The following FAM186A variants were observed in gnomAD, a reference collection of about 807,000 sequenced individuals.
FAM186A encodes protein FAM186A.
Under a neutral mutation model 216.8 loss-of-function variants are expected in FAM186A, and 163 were observed. The ratio of observed to expected loss-of-function variants is 0.75; its 90% CI spans 0.66 to 0.86. The LOEUF is 0.86. Ranked by LOEUF, FAM186A falls within the 40% of genes least tolerant of loss-of-function variation. The probability of loss-of-function intolerance (pLI) is 0.00; values close to 1 mark genes in which losing one functional copy is unlikely to be tolerated. For synonymous variants in FAM186A, 805 were observed against 1,025.3 expected (o/e 0.79, Z 4.10); for missense variants, 2,184 against 2,746.2 (o/e 0.80, Z 4.58).
At chr12:50,360,992 T>C (rs1176098283) in intron 2 of FAM186A, 66 bp from the exon 3 acceptor site, 2 of 1,258,358 alleles carry the variant, frequency 1.6e-6, no homozygotes, top group Admixed American at 5.5e-5. Context: ...TACATAGGCT[T>C]ATAATATTGG....
chr12:50,364,058 CATA>C (rs1161988657), intron 1 of FAM186A, among the ~76,000 whole-genome samples: 2 of 152,086 alleles, frequency 1.3e-5, no homozygotes, highest in African/African-American at 4.8e-5. Flanking sequence ...TTTTGGTTGT[CATA>C]ATAATTGTGA....
chr12:50,346,149 G>A (rs1462678044), intron 4 of FAM186A, among the ~76,000 whole-genome samples: 6 of 142,912 alleles, frequency 4.2e-5, no homozygotes, highest in Admixed American at 7.4e-5. Context: ...CCAGCTGGGC[G>A]ACAAAGCCAG....
Position 50,327,333 on chromosome 12 carries a change from C to G in FAM186A, c.*50G>C. ...GAAAGAGAACAAAATAGGCATTTTA[C>G]TGAAAGATACTGAAATGTACTTTCA... On this transcript the variant is annotated 3_prime_UTR_variant, in exon 8 of 8. Coordinates refer to ENST00000327337, the MANE Select transcript of FAM186A (RefSeq NM_001145475.3). The G allele has an allele frequency of 6.9e-7, 1 of 1,454,166 alleles. No homozygotes were observed. Among genetic ancestry groups the G allele is most frequent in the Non-Finnish European group, 9.4e-7 (1 of 1,059,764 alleles). The allele number at this position is 1,454,166 out of a possible 1,614,324, so 90.1% of individuals were successfully genotyped here.
intron 3 of FAM186A, among the ~76,000 whole-genome samples, chr12:50,358,597 AAAAC>A (rs1177197110): frequency 2.0e-5 from 3 of 150,438 alleles, no homozygotes; most frequent in African/African-American, 4.9e-5. Flanking sequence ...AAAACAAAAC[AAAAC>A]AAAAACCTAT....
At chr12:50,356,853 G>A (rs1269944761) in intron 3 of FAM186A, among the ~76,000 whole-genome samples, 1 of 152,094 alleles carries the variant, frequency 6.6e-6, no homozygotes, top group Non-Finnish European at 1.5e-5. Flanking sequence ...ACAAAAATTA[G>A]CCAGGCGTGA....
chr12:50,365,088 T>A (rs1165278199), intron 1 of FAM186A, among the ~76,000 whole-genome samples: 1 of 150,710 alleles, frequency 6.6e-6, no homozygotes, highest in Non-Finnish European at 1.5e-5. Context: ...CCCAATTTAA[T>A]GATACACTGC....
In FAM186A at chr12:50,355,990, C is replaced by T. The variant is rs1389338511; in HGVS notation, c.842G>A (p.Cys281Tyr). The part of the protein sequence containing the change: ...ALSMLNDELK[C>Y]VNFQSSTVYA... ...CACAGTGGAACTTTGGAAGTTAACA[C>T]ATTTTAATTCATCATTTAGCATACT... The change falls in exon 4 of 8, where the codon TGT (cysteine) becomes TAT (tyrosine). Residue 281 changes from cysteine to tyrosine, a missense_variant. Physicochemically the swap from Cys to Tyr is radical, Grantham distance 194. Coordinates refer to ENST00000327337, the MANE Select transcript of FAM186A (RefSeq NM_001145475.3). 6.4e-6 allele frequency: 10 copies of T among 1,551,464 alleles called. 1 individual carries two copies. The highest frequency in any genetic ancestry group is 3.3e-4 in the Middle Eastern group (2 of 6,014).
intron 4 of FAM186A, among the ~76,000 whole-genome samples, chr12:50,346,237 A>AAAGAAAGAAAAGAAAGAAAG (rs1383898895): frequency 3.9e-5 from 4 of 102,184 alleles, no homozygotes; most frequent in Non-Finnish European, 8.0e-5. Context: ...AAGAAAGAAA[A>AAAGAAAGAAAAGAAAGAAAG]AAAGAAAGAA....
At chr12:50,390,797 T>C (rs527397090) in intron 1 of FAM186A, among the ~76,000 whole-genome samples, 2 of 152,234 alleles carry the variant, frequency 1.3e-5, no homozygotes, top group African/African-American at 4.8e-5. Flanking sequence ...CCTAGCACAA[T>C]GGCTCATGTC....
chr12:50,381,595 T>G (rs889264472), intron 1 of FAM186A, among the ~76,000 whole-genome samples: 17 of 152,226 alleles, frequency 1.1e-4, no homozygotes, highest in Middle Eastern at 3.4e-3. Context: ...GATGGAAAGA[T>G]ATTCTGTGTA....
chr12:50,330,800 G>A, intron 6 of FAM186A, 42 bp from the exon 7 acceptor site: 1 of 1,463,682 alleles, frequency 6.8e-7, no homozygotes, highest in Non-Finnish European at 9.1e-7. Flanking sequence ...ATTCTCCTGA[G>A]CTCCATAGCC....
At chr12:50,341,734 C>T (rs1942764191) in intron 4 of FAM186A, among the ~76,000 whole-genome samples, 1 of 152,136 alleles carries the variant, frequency 6.6e-6, no homozygotes, top group South Asian at 2.1e-4. Context: ...ACTCAGGAGG[C>T]TGATGCAGGA....
rs1468764070 is a variant in FAM186A, at chr12:50,331,790, T to A, written c.6728A>T (p.Gln2243Leu). 2.6e-6 allele frequency: 4 copies of A among 1,540,458 alleles called. No individual in the cohort carries two copies. The change falls in exon 6 of 8, where the codon CAA becomes CTA. Residue 2243 changes from glutamine to leucine, a missense_variant. By Grantham distance (113) the Gln-to-Leu change is moderately radical. Coordinates refer to ENST00000327337, the MANE Select transcript of FAM186A (RefSeq NM_001145475.3). ...LKKIHELNLS[Q>L]PIPLIIEEKQ... ...TTCTTCGATGATTAAGGGGATAGGT[T>A]GACTAAGATTCAATTCATGTATCTT... is the stretch of plus-strand genomic sequence containing the variant.
At chr12:50,327,815 G>T (rs1418019615) in intron 7 of FAM186A, among the ~76,000 whole-genome samples, 1 of 152,036 alleles carries the variant, frequency 6.6e-6, no homozygotes, top group East Asian at 1.9e-4. Flanking sequence ...AAAGTGCTGG[G>T]ATTACAGGTG....
chr12:50,357,781 G>C (rs1218368320), intron 3 of FAM186A, among the ~76,000 whole-genome samples: 1 of 152,166 alleles, frequency 6.6e-6, no homozygotes, highest in African/African-American at 2.4e-5. Flanking sequence ...TTCTACCAGA[G>C]TGAGGCAGGC....
At position 50,355,295 on chromosome 12, in the gene FAM186A, TA is replaced by T; in HGVS notation, c.1536del (p.Asp512GlufsTer16). 6.4e-7 allele frequency: 1 copy of T among 1,550,994 alleles called. No individual in the cohort carries two copies. The highest frequency in any genetic ancestry group is 8.7e-7 in the Non-Finnish European group (1 of 1,146,854). On this transcript the variant is annotated frameshift_variant, in exon 4 of 8. Coordinates refer to ENST00000327337, the MANE Select transcript of FAM186A (RefSeq NM_001145475.3). LOFTEE classifies it high-confidence loss of function. ...TTTGCTTCAGTGGGTGACTTTGATT[TA>T]TCTTCAGAAAAGGATTTCATTTCTT... ...KRKEMKSFSE[D>X]KSKSPTEAKR...
At chr12:50,376,657 G>A (rs1394566343) in intron 1 of FAM186A, among the ~76,000 whole-genome samples, 1 of 151,978 alleles carries the variant, frequency 6.6e-6, no homozygotes, top group Non-Finnish European at 1.5e-5. Flanking sequence ...TCGGCCAAAA[G>A]GCATCAAGGA....
intron 1 of FAM186A, among the ~76,000 whole-genome samples, chr12:50,381,555 G>A (rs1050664544): frequency 4.0e-5 from 6 of 151,598 alleles, no homozygotes; most frequent in Non-Finnish European, 8.8e-5. Context: ...AAAAAAAATT[G>A]ATTAATTAAT....
Position 50,350,514 on chromosome 12 carries a change from A to G in FAM186A, c.6318T>C (p.Phe2106=). 1 of 1,551,646 alleles carries G rather than the reference A, an allele frequency of 6.4e-7. No homozygotes were observed. The highest frequency in any genetic ancestry group is 8.7e-7 in the Non-Finnish European group (1 of 1,146,990). The change falls in exon 4 of 8, where the codon TTT becomes TTC. Residue 2106 remains phenylalanine (F), a synonymous_variant. Coordinates refer to ENST00000327337, the MANE Select transcript of FAM186A (RefSeq NM_001145475.3). ...TCTTCTTCTGAGCCTCCACATCAAC[A>G]AAATACCTCTTTTCTTCAAGTTCTT... ...SPQELEEKRY[F]VDVEAQKKNL... is the part of the protein sequence containing the mutation.
Sources: gnomAD v4.1 joint callset for allele counts (sites outside exome capture counted in the v4.1 genomes callset) on GRCh38, gnomAD v4.1.1 for gene constraint, MANE v1.5 for transcripts, NCBI Gene and HGNC (gene_info 2026-07-23, HGNC 2026-07-21) for gene names.